ADAMTS17: variants seen among roughly 807,000 people sequenced by gnomAD.
ADAMTS17 encodes ADAM metallopeptidase with thrombospondin type 1 motif 17, also known as A disintegrin and metalloproteinase with thrombospondin motifs 17.
ADAMTS17 carries 113 observed loss-of-function variants against 141.5 expected under a neutral mutation model. The observed-to-expected ratio is 0.80, with a 90% confidence interval of 0.69 to 0.93. ADAMTS17 has a LOEUF of 0.93. Ranked by LOEUF, ADAMTS17 falls within the 40% of genes least tolerant of loss-of-function variation. The probability of loss-of-function intolerance (pLI) is 0.00; values close to 1 mark genes in which losing one functional copy is unlikely to be tolerated. For synonymous variants in ADAMTS17, 768 were observed against 630.6 expected (o/e 1.22, Z -3.27); for missense variants, 1,659 against 1,517.9 (o/e 1.09, Z -1.54).
chr15:100,168,209 C>T (rs1456446588), intron 8 of ADAMTS17, among the ~76,000 whole-genome samples: 1 of 152,186 alleles, frequency 6.6e-6, no homozygotes, highest in African/African-American at 2.4e-5. Flanking sequence ...GCCAAGGGTG[C>T]ACTGCGAATG....
intron 3 of ADAMTS17, among the ~76,000 whole-genome samples, chr15:100,302,522 A>C (rs1312289591): frequency 6.6e-6 from 1 of 152,144 alleles, no homozygotes; most frequent in African/African-American, 2.4e-5. Context: ...TACATTCTCA[A>C]CAGCAGTCTA....
At chr15:100,278,638 A>T (rs2044181492) in intron 4 of ADAMTS17, among the ~76,000 whole-genome samples, 1 of 152,062 alleles carries the variant, frequency 6.6e-6, no homozygotes, top group Admixed American at 6.5e-5. Context: ...CATGGCGGAG[A>T]TAGAGGGAGT....
intron 3 of ADAMTS17, among the ~76,000 whole-genome samples, chr15:100,303,579 T>G (rs2045118228): frequency 6.6e-6 from 1 of 152,156 alleles, no homozygotes; most frequent in East Asian, 1.9e-4. Context: ...CTTCTAAGAC[T>G]CTGATAGTTT....
At chr15:100,154,649 G>A (rs2039345198) in intron 9 of ADAMTS17, among the ~76,000 whole-genome samples, 1 of 152,152 alleles carries the variant, frequency 6.6e-6, no homozygotes, top group Admixed American at 6.5e-5. Flanking sequence ...GAAATCAGAT[G>A]GCAGATTCTT....
At chr15:100,145,623 A>G (rs1336799237) in intron 10 of ADAMTS17, among the ~76,000 whole-genome samples, 1 of 152,232 alleles carries the variant, frequency 6.6e-6, no homozygotes, top group Non-Finnish European at 1.5e-5. Context: ...ACACATCTAA[A>G]TTGAACATGT....
intron 17 of ADAMTS17, among the ~76,000 whole-genome samples, chr15:100,050,107 A>C (rs2032023840): frequency 6.6e-6 from 1 of 152,180 alleles, no homozygotes; most frequent in Admixed American, 6.5e-5. Flanking sequence ...CTCCACTGCC[A>C]GTTGCTGCTG....
intron 8 of ADAMTS17, among the ~76,000 whole-genome samples, chr15:100,169,914 C>T (rs1228797251): frequency 1.3e-5 from 2 of 149,468 alleles, no homozygotes; most frequent in East Asian, 1.9e-4. Flanking sequence ...GGGGCCACTC[C>T]CGGGGGCACT....
chr15:100,252,317 T>G (rs1378139626), intron 7 of ADAMTS17, among the ~76,000 whole-genome samples: 1 of 152,166 alleles, frequency 6.6e-6, no homozygotes, highest in Non-Finnish European at 1.5e-5. Flanking sequence ...AGTTCTTCAT[T>G]TAATCAACCA....
intron 18 of ADAMTS17, among the ~76,000 whole-genome samples, chr15:100,010,876 C>T (rs140559963): frequency 7.2e-5 from 11 of 152,240 alleles, no homozygotes; most frequent in Middle Eastern, 3.4e-3. Context: ...ATTTAAAACT[C>T]GAGAATTATG....
chr15:100,089,840 G>A (rs2035340800), intron 15 of ADAMTS17, among the ~76,000 whole-genome samples: 1 of 135,416 alleles, frequency 7.4e-6, no homozygotes, highest in Non-Finnish European at 1.5e-5. Flanking sequence ...TGTGGGGTTG[G>A]GGGAGGGGGG....
At position 100,048,218 on chromosome 15, in the gene ADAMTS17, C is replaced by T. The variant is rs575212387; in HGVS notation, c.2591+639G>A. 4.2e-4 allele frequency among the ~76,000 whole-genome samples: 64 copies of T among 152,240 alleles called. No homozygotes were observed. The South Asian group carries it at 4.4e-3, about 10-fold the overall frequency. ...CCATTCACCTCAATTCACAGCAGGACGGAAGGCCAAAGGGTGACATGCCAC... is the reference window on the plus strand; with the variant it reads ...CCATTCACCTCAATTCACAGCAGGATGGAAGGCCAAAGGGTGACATGCCAC... On this transcript the variant is annotated intron_variant, in intron 18 of 21. Transcript: ENST00000268070.
At chr15:100,048,575 G>T (rs1567086251) in intron 18 of ADAMTS17, among the ~76,000 whole-genome samples, 1 of 144,708 alleles carries the variant, frequency 6.9e-6, no homozygotes, top group African/African-American at 2.6e-5. Flanking sequence ...GGTTAAAAGT[G>T]TGTGGTGATG....
rs1161029361 is a variant in ADAMTS17 at position 100,199,480 on chromosome 15, C to T, written c.1076-57G>A. 3.7e-5 allele frequency: 53 copies of T among 1,427,056 alleles called. No homozygotes were observed. In the Admixed American group the frequency reaches 4.9e-4, roughly 13 times the overall value. The allele number at this position is 1,427,056 out of a possible 1,614,324, so 88.4% of individuals were successfully genotyped here. A position where few individuals can be genotyped will look rare whatever the true frequency, so the allele number is the denominator to read the frequency against. ...AGAACGTGGGAGGCCCTGGTCTCAC[C>T]GGGCAAGTCCGCACGGTCAACGTCA... On this transcript the variant is annotated intron_variant, in intron 7 of 21. Coordinates refer to ENST00000268070, the MANE Select transcript of ADAMTS17 (RefSeq NM_139057.4).
chr15:100,328,443 G>C (rs1332337863), intron 3 of ADAMTS17, among the ~76,000 whole-genome samples: 16 of 152,180 alleles, frequency 1.1e-4, no homozygotes, highest in Admixed American at 1.0e-3. Flanking sequence ...TTCCTGACTA[G>C]TGCAGAGCCT....
intron 7 of ADAMTS17, among the ~76,000 whole-genome samples, chr15:100,207,743 T>C (rs888038935): frequency 2.6e-5 from 4 of 152,100 alleles, no homozygotes; most frequent in African/African-American, 7.2e-5. Context: ...CCTCAGTCGT[T>C]TGACAATGGG....
chr15:100,238,122 AAT>A (rs1331671313), intron 7 of ADAMTS17, among the ~76,000 whole-genome samples: 1 of 152,146 alleles, frequency 6.6e-6, no homozygotes, highest in Non-Finnish European at 1.5e-5. Flanking sequence ...CACAGAAATT[AAT>A]AGTGTTGGCA....
At chr15:100,154,476 G>A (rs900800882) in intron 9 of ADAMTS17, among the ~76,000 whole-genome samples, 1 of 152,144 alleles carries the variant, frequency 6.6e-6, no homozygotes, top group Non-Finnish European at 1.5e-5. Context: ...CTGCAGGTGA[G>A]ACTCGCCGAC....
intron 4 of ADAMTS17, among the ~76,000 whole-genome samples, chr15:100,278,793 C>T (rs886700323): frequency 1.3e-5 from 2 of 152,184 alleles, no homozygotes; most frequent in Non-Finnish European, 2.9e-5. Flanking sequence ...TTGGGGTCCT[C>T]AACATTGATT....
chr15:100,110,094 G>C (rs1407747818), intron 13 of ADAMTS17, among the ~76,000 whole-genome samples: 1 of 148,838 alleles, frequency 6.7e-6, no homozygotes, highest in Non-Finnish European at 1.5e-5. Flanking sequence ...TGAACTCTTA[G>C]AGGGCAGGGG....
Sources: gnomAD v4.1 joint callset for allele counts (sites outside exome capture counted in the v4.1 genomes callset) on GRCh38, gnomAD v4.1.1 for gene constraint, MANE v1.5 for transcripts, NCBI Gene and HGNC (gene_info 2026-07-23, HGNC 2026-07-21) for gene names.